Variants in MPP7 observed in about 807,000 individuals in gnomAD.
MPP7 encodes the protein MAGUK p55 subfamily member 7.
MPP7 carries 60 observed loss-of-function variants against 76.5 expected under a neutral mutation model. The ratio of observed to expected loss-of-function variants is 0.78; its 90% CI spans 0.64 to 0.97. MPP7 has a LOEUF of 0.97. Among genes scored for constraint, MPP7 ranks in the 50% least tolerant of loss-of-function variants. MPP7 has a pLI of 0.00. For synonymous variants in MPP7, 237 were observed against 244.5 expected, an observed-to-expected ratio of 0.97 and a Z score of 0.29; for missense variants, 641 against 694.0, an observed-to-expected ratio of 0.92 and a Z score of 0.86.
At chr10:28,069,435 T>C in intron 13 of MPP7, among the ~76,000 whole-genome samples, 1 of 152,014 alleles carries the variant, frequency 6.6e-6, no homozygotes, top group Admixed American at 6.6e-5. Context: ...AAACCCTGTC[T>C]CTACTAAAAG....
At chr10:28,212,392 A>G (rs994889946) in intron 2 of MPP7, among the ~76,000 whole-genome samples, 1 of 152,164 alleles carries the variant, frequency 6.6e-6, no homozygotes, top group Non-Finnish European at 1.5e-5. Flanking sequence ...TAACTCCAAC[A>G]GTTTTTGAAG....
rs117063138 is a variant in MPP7, at chr10:28,103,882, T to A, written c.953-14041A>T. ...GGGGAGGAGGAGGAGGAAAGGAGAC[T>A]CCTGCTTTGGGTTGCTGGACTTGCA... On this transcript the variant is annotated intron_variant, in intron 11 of 16. Transcript: ENST00000683449. 7.2e-3 allele frequency among the ~76,000 whole-genome samples: 1,092 copies of A among 152,192 alleles called. 9 individuals are homozygous for A. Among genetic ancestry groups the A allele is most frequent in the Non-Finnish European group, 8.7e-3 (590 of 67,998 alleles).
intron 11 of MPP7, among the ~76,000 whole-genome samples, chr10:28,090,338 A>T (rs1853237487): frequency 6.6e-6 from 1 of 152,236 alleles, no homozygotes; most frequent in Non-Finnish European, 1.5e-5. Context: ...ACAATAACTT[A>T]GATTTAATAT....
chr10:28,120,416 G>A (rs751668378), intron 9 of MPP7, 26 bp from the exon 10 acceptor site: 2 of 1,588,752 alleles, frequency 1.3e-6, no homozygotes, highest in African/African-American at 2.7e-5. Context: ...CATTAAAGAT[G>A]AATAAAGATA....
chr10:28,078,677 T>G (rs1054693459), intron 12 of MPP7, among the ~76,000 whole-genome samples: 1 of 152,178 alleles, frequency 6.6e-6, no homozygotes, highest in Non-Finnish European at 1.5e-5. Flanking sequence ...TAAAGCTGTG[T>G]GTATCAATTT....
intron 1 of MPP7, among the ~76,000 whole-genome samples, chr10:28,333,967 C>T (rs770075026): frequency 4.1e-4 from 62 of 152,006 alleles, no homozygotes; most frequent in Non-Finnish European, 7.1e-4. Context: ...CCAAGGCGGG[C>T]GGATCACTTG....
chr10:28,241,280 T>C (rs1048753558), intron 1 of MPP7, among the ~76,000 whole-genome samples: 5 of 152,314 alleles, frequency 3.3e-5, no homozygotes, highest in South Asian at 4.1e-4. Flanking sequence ...CCCTCATATT[T>C]CTTGTTTTTT....
intron 3 of MPP7, among the ~76,000 whole-genome samples, chr10:28,168,309 G>A (rs183740450): frequency 6.6e-6 from 1 of 152,112 alleles, no homozygotes. Flanking sequence ...CTCTTAAATT[G>A]TTTTTTTCAC....
At chr10:28,225,864 T>A (rs1291658140) in intron 2 of MPP7, among the ~76,000 whole-genome samples, 1 of 152,178 alleles carries the variant, frequency 6.6e-6, no homozygotes, top group Non-Finnish European at 1.5e-5. Context: ...ACCCAGTGAC[T>A]TGGCTAATTT....
rs117029179 is a variant in MPP7, at chr10:28,221,676, G to A, written c.37+16892C>T. Among the ~76,000 whole-genome samples, 916 of 152,204 alleles carry A rather than the reference G, an allele frequency of 6.0e-3. 4 individuals carry two copies. Among genetic ancestry groups the A allele is most frequent in the South Asian group, 0.016 (78 of 4,820 alleles). On this transcript the variant is annotated intron_variant, in intron 2 of 16. Transcript: ENST00000683449. ...AAATCCCTTCAAGATACGTACGGAG[G>A]TGATTTTTCTACAACCCCTAAATTT... is the stretch of plus-strand genomic sequence containing the variant.
intron 3 of MPP7, among the ~76,000 whole-genome samples, chr10:28,194,771 T>C (rs1837525594): frequency 6.6e-6 from 1 of 152,172 alleles, no homozygotes; most frequent in Admixed American, 6.5e-5. Context: ...CTATTCTTCA[T>C]GACAATGTAA....
In MPP7 at chr10:28,059,723, T is replaced by G; in HGVS notation, c.1225A>C (p.Ser409Arg). The G allele has an allele frequency of 1.2e-6, 2 of 1,613,140 alleles. No individual in the cohort carries two copies. The highest frequency in any genetic ancestry group is 1.7e-6 in the Non-Finnish European group (2 of 1,179,318). Residue 409 changes from serine (S) to arginine (R), a missense_variant, in exon 14 of 17, where the codon AGC (serine) becomes CGC (arginine). Coordinates refer to ENST00000683449, the MANE Select transcript of MPP7 (RefSeq NM_001318170.2). ...TATTCAACACCATCACTCTCCTGGCTTCTTCTTGCTCTGGTGGTATCTATG... is the reference window on the plus strand; with the variant it reads ...TATTCAACACCATCACTCTCCTGGCGTCTTCTTGCTCTGGTGGTATCTATG... ...TVPHTTRARR[S>R]QESDGVEYIF...
intron 1 of MPP7, among the ~76,000 whole-genome samples, chr10:28,279,115 C>T (rs1840590966): frequency 6.6e-6 from 1 of 151,932 alleles, no homozygotes; most frequent in East Asian, 1.9e-4. Flanking sequence ...GTTTGATCTC[C>T]CAGAGTGAAT....
intron 13 of MPP7, among the ~76,000 whole-genome samples, chr10:28,061,698 C>G (rs1851793212): frequency 6.6e-6 from 1 of 151,950 alleles, no homozygotes; most frequent in African/African-American, 2.4e-5. Flanking sequence ...CAGCAAATCC[C>G]AAACAGGATA....
chr10:28,128,809 G>GA (rs1835100102), intron 6 of MPP7, among the ~76,000 whole-genome samples: 1 of 152,168 alleles, frequency 6.6e-6, no homozygotes, highest in Non-Finnish European at 1.5e-5. Flanking sequence ...AAGATTAGAA[G>GA]AAAAGACTGG....
chr10:28,201,470 A>G (rs1837768991), intron 3 of MPP7, among the ~76,000 whole-genome samples: 2 of 152,164 alleles, frequency 1.3e-5, no homozygotes, highest in African/African-American at 2.4e-5. Context: ...AATGCAATTC[A>G]TATTTCCAGA....
intron 2 of MPP7, among the ~76,000 whole-genome samples, chr10:28,320,617 G>T (rs986050029): frequency 4.6e-5 from 7 of 151,804 alleles, no homozygotes; most frequent in African/African-American, 7.3e-5. Flanking sequence ...GTGGAAGGGG[G>T]GTCAACTTGA....
chr10:28,075,794 A>G (rs1852456201), intron 12 of MPP7, among the ~76,000 whole-genome samples: 1 of 152,148 alleles, frequency 6.6e-6, no homozygotes, highest in Non-Finnish European at 1.5e-5. Context: ...TCCACTTCCA[A>G]GGAATTATCA....
intron 1 of MPP7, among the ~76,000 whole-genome samples, chr10:28,245,499 A>G (rs1839404645): frequency 6.6e-6 from 1 of 152,158 alleles, no homozygotes; most frequent in South Asian, 2.1e-4. Flanking sequence ...ATGAGAGCAC[A>G]GATTTTGAAA....
Sources: allele counts gnomAD v4.1 joint callset (sites outside exome capture counted in the v4.1 genomes callset), GRCh38; gene constraint gnomAD v4.1.1; transcripts MANE v1.5; gene names NCBI Gene and HGNC (gene_info 2026-07-23, HGNC 2026-07-21).